Variants in BABAM2 observed in about 807,000 individuals in gnomAD.
BABAM2 encodes BRISC and BRCA1 A complex member 2.
Under a neutral mutation model 54.7 loss-of-function variants are expected in BABAM2, and 31 were observed. That is an observed-to-expected ratio of 0.57 (90% CI 0.43 to 0.77). BABAM2 has a LOEUF of 0.77. BABAM2 is among the 30% of genes least tolerant of loss of function. BABAM2 has a pLI of 0.00. For synonymous variants in BABAM2, 167 were observed against 162.9 expected, an observed-to-expected ratio of 1.03 and a Z score of -0.19; for missense variants, 364 against 455.8, an observed-to-expected ratio of 0.80 and a Z score of 1.83.
In BABAM2 at chr2:28,145,113, A is replaced by G. The variant is rs181813089; in HGVS notation, c.680+15733A>G. Reference sequence around the variant, plus strand: ...TTAACAAGTACCCTTAGTGATTTATATACTTACTAAACACTTGAGAATCAC... The same window carrying G: ...TTAACAAGTACCCTTAGTGATTTATGTACTTACTAAACACTTGAGAATCAC... On this transcript the variant is annotated intron_variant, in intron 7 of 11. Coordinates refer to ENST00000379624, the MANE Select transcript of BABAM2 (RefSeq NM_199191.3). Among the ~76,000 whole-genome samples the G allele has an allele frequency of 3.4e-3, 519 of 152,362 alleles. 2 individuals carry two copies. The highest frequency in any genetic ancestry group is 3.7e-3 in the Non-Finnish European group (250 of 68,040).
At chr2:28,292,147 T>C (rs1236467324) in intron 10 of BABAM2, among the ~76,000 whole-genome samples, 1 of 152,016 alleles carries the variant, frequency 6.6e-6, no homozygotes, top group Non-Finnish European at 1.5e-5. Context: ...ACCCAAGATA[T>C]GGGGGAAAGC....
intron 3 of BABAM2, among the ~76,000 whole-genome samples, chr2:27,978,877 A>G (rs949373862): frequency 6.6e-6 from 1 of 152,138 alleles, no homozygotes; most frequent in Non-Finnish European, 1.5e-5. Context: ...TCCACTTACA[A>G]GTGAGAACAT....
intron 6 of BABAM2, among the ~76,000 whole-genome samples, chr2:28,127,063 C>T (rs1014680822): frequency 6.6e-5 from 10 of 151,878 alleles, no homozygotes; most frequent in South Asian, 4.2e-4. Context: ...GAGTAGGTTG[C>T]GAAAATTTTC....
chr2:28,015,774 A>C (rs907620650), intron 4 of BABAM2: 2 of 1,104,858 alleles, frequency 1.8e-6, no homozygotes, highest in Non-Finnish European at 2.4e-6. Flanking sequence ...TTGAACTAGC[A>C]GGCTTCTTTT....
intron 2 of BABAM2, among the ~76,000 whole-genome samples, chr2:27,921,089 T>C (rs1219824339): frequency 2.6e-5 from 4 of 152,136 alleles, no homozygotes. Context: ...AAATGATAAT[T>C]TAAAGAGGAG....
chr2:28,032,695 T>C (rs1279775157), intron 5 of BABAM2, among the ~76,000 whole-genome samples: 4 of 152,156 alleles, frequency 2.6e-5, no homozygotes, highest in Non-Finnish European at 5.9e-5. Context: ...CCTGTTTCTC[T>C]AAACAGGTGA....
chr2:27,929,898 G>C lies in BABAM2; in HGVS notation c.195G>C (p.Glu65Asp), dbSNP rs761312063. The stretch of plus-strand genomic sequence containing the variant: ...AACTGCACATACCATATGCTGGAGA[G>C]ACATTAAAGTGTAAGTAAATGATGA... ...RFKLHIPYAG[E>D]TLKWDIIFNA... Residue 65 changes from glutamate (E) to aspartate (D), a missense_variant, in exon 3 of 12, where the codon GAG (glutamate) becomes GAC (aspartate). Glu to Asp is a conservative substitution (Grantham distance 45, BLOSUM62 2). Coordinates refer to ENST00000379624, the MANE Select transcript of BABAM2 (RefSeq NM_199191.3). The C allele has an allele frequency of 6.2e-7, 1 of 1,611,670 alleles. No individual in the cohort carries two copies. The highest frequency in any genetic ancestry group is 8.5e-7 in the Non-Finnish European group (1 of 1,177,798).
At chr2:28,265,639 T>A (rs921292382) in intron 10 of BABAM2, among the ~76,000 whole-genome samples, 7 of 152,048 alleles carry the variant, frequency 4.6e-5, no homozygotes, top group African/African-American at 1.7e-4. Flanking sequence ...CATGCACATA[T>A]GTGCACACAC....
At chr2:28,240,865 T>C (rs1323419093) in intron 8 of BABAM2, among the ~76,000 whole-genome samples, 19 of 101,000 alleles carry the variant, frequency 1.9e-4, no homozygotes, top group Non-Finnish European at 3.2e-4. Context: ...AGCGAGACTC[T>C]GTCTCAAAAA....
intron 10 of BABAM2, among the ~76,000 whole-genome samples, chr2:28,263,185 G>GATT (rs200937399): frequency 1.3e-5 from 2 of 150,294 alleles, no homozygotes; most frequent in Admixed American, 6.6e-5. Context: ...GAGGGGAGGG[G>GATT]ATTATTATTA....
At chr2:28,072,530 T>C (rs1664249850) in intron 6 of BABAM2, among the ~76,000 whole-genome samples, 1 of 151,910 alleles carries the variant, frequency 6.6e-6, no homozygotes, top group South Asian at 2.1e-4. Flanking sequence ...GGACTACAGG[T>C]GCCCACCACC....
At chr2:27,941,513 G>A (rs149338475) in intron 3 of BABAM2, among the ~76,000 whole-genome samples, 15 of 151,734 alleles carry the variant, frequency 9.9e-5, no homozygotes, top group African/African-American at 3.1e-4. Context: ...CCGAGATCGC[G>A]GCACTGCACA....
chr2:27,898,969 A>G (rs1356764591), intron 2 of BABAM2, among the ~76,000 whole-genome samples: 2 of 151,686 alleles, frequency 1.3e-5, no homozygotes, highest in East Asian at 1.9e-4. Context: ...AAAAAAAAAA[A>G]CCAAACAACC....
intron 7 of BABAM2, among the ~76,000 whole-genome samples, chr2:28,145,959 A>G (rs1671460611): frequency 6.6e-6 from 1 of 152,242 alleles, no homozygotes; most frequent in South Asian, 2.1e-4. Flanking sequence ...AATATACCAC[A>G]TTTGATTTAT....
intron 3 of BABAM2, among the ~76,000 whole-genome samples, chr2:27,961,838 C>G (rs1408265721): frequency 1.3e-5 from 2 of 150,832 alleles, no homozygotes; most frequent in Non-Finnish European, 2.9e-5. Context: ...AGTGATCCTC[C>G]CATCTCAGCC....
chr2:28,315,495 G>A (rs1287831824), intron 11 of BABAM2, among the ~76,000 whole-genome samples: 1 of 120,362 alleles, frequency 8.3e-6, no homozygotes, highest in East Asian at 2.4e-4. Context: ...TCGAGACAGA[G>A]TCTCACTCTG....
chr2:28,332,580 T>C (rs1318650999), intron 11 of BABAM2, among the ~76,000 whole-genome samples: 1 of 152,170 alleles, frequency 6.6e-6, no homozygotes, highest in Admixed American at 6.5e-5. Context: ...CCCTTGACGA[T>C]GCATGTTGTC....
chr2:28,025,119 CTT>C, intron 4 of BABAM2, 105 bp from the exon 5 acceptor site: 1 of 1,061,508 alleles, frequency 9.4e-7, no homozygotes, highest in East Asian at 2.6e-5. Flanking sequence ...GTCTGTTCCT[CTT>C]AGATTTCTAT....
At position 28,064,456 on chromosome 2, in the gene BABAM2, C is replaced by T. The variant is rs188046095; in HGVS notation, c.570+18657C>T. Among the ~76,000 whole-genome samples the T allele has an allele frequency of 6.4e-3, 968 of 152,266 alleles. 12 individuals carry two copies. The highest frequency in any genetic ancestry group is 8.1e-3 in the Non-Finnish European group (550 of 68,016). Reference sequence around the variant, plus strand: ...AACTTAAATGAAGTTAAGCAAATTCCCATAATAATTTTAGAATGATTCAGT... The same window carrying T: ...AACTTAAATGAAGTTAAGCAAATTCTCATAATAATTTTAGAATGATTCAGT... On this transcript the variant is annotated intron_variant, in intron 6 of 11. Transcript: ENST00000379624.
Sources: gnomAD v4.1 joint callset for allele counts (sites outside exome capture counted in the v4.1 genomes callset) on GRCh38, gnomAD v4.1.1 for gene constraint, MANE v1.5 for transcripts, NCBI Gene and HGNC (gene_info 2026-07-23, HGNC 2026-07-21) for gene names.